Variants in CAMK2A observed in about 807,000 individuals in gnomAD.
CAMK2A encodes calcium/calmodulin dependent protein kinase II alpha.
A neutral mutation model predicts 79.2 loss-of-function variants in CAMK2A; 7 were observed. The observed-to-expected ratio is 0.09, with a 90% CI of 0.05 to 0.17. The LOEUF is 0.17. Ranked by LOEUF, CAMK2A falls within the 10% of genes least tolerant of loss-of-function variation. The pLI is 1.00. For synonymous variants in CAMK2A, 242 were observed against 251.7 expected (o/e 0.96, Z 0.36); for missense variants, 214 against 646.4 (o/e 0.33, Z 7.25).
chr5:150,287,371 G>C (rs933634676), intron 1 of CAMK2A, among the ~76,000 whole-genome samples: 5 of 152,148 alleles, frequency 3.3e-5, no homozygotes, highest in African/African-American at 1.2e-4. Flanking sequence ...ACCTAAAAAA[G>C]GTTAAGAGCA....
intron 16 of CAMK2A, among the ~76,000 whole-genome samples, chr5:150,230,088 G>A (rs1237394871): frequency 6.6e-6 from 1 of 152,052 alleles, no homozygotes; most frequent in Non-Finnish European, 1.5e-5. Context: ...GGGAGGCTGA[G>A]GTGGGTGGAT....
rs1754422807 is a variant in CAMK2A at position 150,223,207 on chromosome 5, C to T, written c.1248G>A (p.Arg416=). ...HRFYFENLWS[R]NSKPVHTTIL... ...TGGTGGTGTGCACGGGCTTGCTGTT[C>T]CGGGACCACACTGGAGGAGGGGATG... Residue 416 remains arginine, a synonymous_variant, in exon 18 of 19, where the codon CGG becomes CGA. Coordinates refer to ENST00000671881, the MANE Select transcript of CAMK2A (RefSeq NM_015981.4). This position sits in a 1 kb window ranked among gnomAD's most constrained non-coding sequence, Gnocchi z 4.1. The T allele has an allele frequency of 6.2e-7, 1 of 1,613,460 alleles. No individual in the cohort carries two copies.
chr5:150,245,725 C>G (rs1008901776), intron 12 of CAMK2A, among the ~76,000 whole-genome samples: 1 of 152,354 alleles, frequency 6.6e-6, no homozygotes, highest in South Asian at 2.1e-4. Flanking sequence ...TGGGGCCCAC[C>G]CTGCCAGAGC....
chr5:150,261,197 G>A (rs1454933912), intron 3 of CAMK2A, among the ~76,000 whole-genome samples: 5 of 144,790 alleles, frequency 3.5e-5, no homozygotes, highest in African/African-American at 1.3e-4. Context: ...CTGAGCAGCT[G>A]GGCAAGGGGC....
Position 150,275,494 on chromosome 5 carries a change from A to G in CAMK2A, c.63-2335T>C, listed in dbSNP as rs58128959. On this transcript the variant is annotated intron_variant, in intron 1 of 18. Transcript: ENST00000671881. ...CCCCACAGGTTAAGGGCTAAGTCCT[A>G]CAAGACTTTCCCCTTGCTTCAGATA... Among the ~76,000 whole-genome samples, 713 of 152,314 alleles carry G rather than the reference A, an allele frequency of 4.7e-3. 5 individuals are homozygous for G. Among genetic ancestry groups the G allele is most frequent in the African/African-American group, 0.016 (684 of 41,562 alleles).
At chr5:150,277,669 ATT>A (rs1757009085) in intron 1 of CAMK2A, among the ~76,000 whole-genome samples, 1 of 152,212 alleles carries the variant, frequency 6.6e-6, no homozygotes, top group South Asian at 2.1e-4. Context: ...AAGCAAGTGC[ATT>A]TTTTGGAGGC....
chr5:150,232,504 C>A (rs527879050), intron 15 of CAMK2A, among the ~76,000 whole-genome samples: 1 of 152,342 alleles, frequency 6.6e-6, no homozygotes, highest in East Asian at 1.9e-4. Context: ...GAATTTGAAG[C>A]CAGGTGTCCT....
intron 18 of CAMK2A, 85 bp downstream of exon 18, chr5:150,222,904 C>T (rs1754389583): frequency 7.0e-7 from 1 of 1,436,616 alleles, no homozygotes; most frequent in Non-Finnish European, 9.8e-7. Flanking sequence ...GAGCTGAAGG[C>T]AGCAGCTTCC....
At chr5:150,255,312 T>C (rs955103223) in intron 6 of CAMK2A, among the ~76,000 whole-genome samples, 1 of 152,138 alleles carries the variant, frequency 6.6e-6, no homozygotes, top group Non-Finnish European at 1.5e-5. Flanking sequence ...TGCCTAGGGC[T>C]CAGGAGAGAA....
At chr5:150,288,607 C>T (rs571259530) in intron 1 of CAMK2A, among the ~76,000 whole-genome samples, 1 of 152,204 alleles carries the variant, frequency 6.6e-6, no homozygotes, top group Middle Eastern at 3.2e-3. Flanking sequence ...GGCCCCTCCC[C>T]CCGTGCTCCT....
chr5:150,282,564 C>T (rs1033070142), intron 1 of CAMK2A, among the ~76,000 whole-genome samples: 1 of 152,184 alleles, frequency 6.6e-6, no homozygotes, highest in African/African-American at 2.4e-5. Context: ...AGGGGTAGGA[C>T]AGCCAAGCAC....
chr5:150,253,935 T>C (rs1461111140), intron 6 of CAMK2A, among the ~76,000 whole-genome samples: 1 of 152,204 alleles, frequency 6.6e-6, no homozygotes, highest in South Asian at 2.1e-4. Context: ...GCGTGCATCA[T>C]CTCTTGTATC....
At chr5:150,227,743 C>T (rs535286671) in intron 17 of CAMK2A, among the ~76,000 whole-genome samples, 2 of 152,306 alleles carry the variant, frequency 1.3e-5, no homozygotes, top group East Asian at 3.9e-4. Flanking sequence ...TCCCAAACTG[C>T]CCACCCACAG....
intron 11 of CAMK2A, among the ~76,000 whole-genome samples, chr5:150,248,279 A>C (rs1383612734): frequency 6.7e-6 from 1 of 150,250 alleles, no homozygotes; most frequent in Non-Finnish European, 1.5e-5. Flanking sequence ...GGCTCAGAGA[A>C]TCCCAGGAGG....
intron 11 of CAMK2A, among the ~76,000 whole-genome samples, chr5:150,249,568 A>T (rs1213928466): frequency 6.4e-5 from 9 of 141,412 alleles, no homozygotes; most frequent in Non-Finnish European, 1.1e-4. Flanking sequence ...TTTTTTTTTG[A>T]GACAGAGTCT....
Position 150,289,751 on chromosome 5 carries a change from T to G in CAMK2A, c.-126A>C. The G allele has an allele frequency of 1.4e-6, 1 of 690,324 alleles. No individual in the cohort carries two copies. Among genetic ancestry groups the G allele is most frequent in the Non-Finnish European group, 2.5e-6 (1 of 403,032 alleles). The allele number at this position is 690,324 out of a possible 1,614,324, so 42.8% of individuals were successfully genotyped here. A position where few individuals can be genotyped will look rare whatever the true frequency, so the allele number is the denominator to read the frequency against. On this transcript the variant is annotated 5_prime_UTR_variant, in exon 1 of 19. Coordinates refer to ENST00000671881, the MANE Select transcript of CAMK2A (RefSeq NM_015981.4). Reference sequence around the variant, plus strand: ...GCCGAGTGCAAACAGAGAACCGGTTTGACTGACGAGCCCGGGGCTTCTGAG... The same window carrying G: ...GCCGAGTGCAAACAGAGAACCGGTTGGACTGACGAGCCCGGGGCTTCTGAG...
chr5:150,239,812 G>A, intron 13 of CAMK2A, 76 bp from the exon 14 acceptor site: 1 of 1,248,986 alleles, frequency 8.0e-7, no homozygotes, highest in Non-Finnish European at 1.2e-6. Flanking sequence ...GAACGACAGG[G>A]GAGGTTTGGG....
intron 1 of CAMK2A, among the ~76,000 whole-genome samples, chr5:150,285,404 A>T (rs1044959802): frequency 6.6e-6 from 1 of 152,212 alleles, no homozygotes; most frequent in Non-Finnish European, 1.5e-5. Flanking sequence ...CTTTGGGTAC[A>T]TGGATGCCCA....
At chr5:150,277,406 T>TG (rs1338278636) in intron 1 of CAMK2A, among the ~76,000 whole-genome samples, 3 of 152,196 alleles carry the variant, frequency 2.0e-5, no homozygotes, top group African/African-American at 7.2e-5. Context: ...AAATCAGCAC[T>TG]GATGGGGGCC....
Sources: allele counts gnomAD v4.1 joint callset (sites outside exome capture counted in the v4.1 genomes callset), GRCh38; gene constraint gnomAD v4.1.1; non-coding constraint Gnocchi (gnomAD v3.1); transcripts MANE v1.5; gene names NCBI Gene and HGNC (gene_info 2026-07-23, HGNC 2026-07-21).